The following LMAN2 variants were observed in gnomAD, a reference collection of about 807,000 sequenced individuals.
The protein encoded by LMAN2 is vesicular integral-membrane protein VIP36.
In LMAN2, 22 loss-of-function variants were observed where a neutral mutation model predicts 39.3. The ratio of observed to expected loss-of-function variants is 0.56; its 90% CI spans 0.40 to 0.80. The LOEUF (loss-of-function observed/expected upper bound fraction) is 0.80. Ranked by LOEUF, LMAN2 falls within the 30% of genes least tolerant of loss-of-function variation. The pLI, the probability that LMAN2 is intolerant of heterozygous loss-of-function variation, is 0.00. For missense variants in LMAN2, 494 were observed against 505.4 expected, an observed-to-expected ratio of 0.98 and a Z score of 0.22; for synonymous variants, 207 against 207.8, an observed-to-expected ratio of 1.00 and a Z score of 0.03.
intron 2 of LMAN2, among the ~76,000 whole-genome samples, chr5:177,348,546 G>C (rs1177224773): frequency 6.6e-6 from 1 of 151,976 alleles, no homozygotes; most frequent in Non-Finnish European, 1.5e-5. Context: ...AAATTAGCTG[G>C]ACATGGCAGT....
At chr5:177,336,075 C>T (rs1411802827) in intron 6 of LMAN2, among the ~76,000 whole-genome samples, 1 of 152,144 alleles carries the variant, frequency 6.6e-6, no homozygotes, top group African/African-American at 2.4e-5. Flanking sequence ...ATTAATTACT[C>T]GGTAGACTCA....
At chr5:177,340,748 C>T (rs1443520629) in intron 2 of LMAN2, among the ~76,000 whole-genome samples, 2 of 151,030 alleles carry the variant, frequency 1.3e-5, no homozygotes. Context: ...CCAGCCTGGG[C>T]AACAGAGTGA....
At chr5:177,348,687 CAAAAAAAA>C (rs35269220) in intron 2 of LMAN2, among the ~76,000 whole-genome samples, 4 of 33,860 alleles carry the variant, frequency 1.2e-4, no homozygotes, top group Admixed American at 8.1e-4. Flanking sequence ...GACTCTGTCT[CAAAAAAAA>C]AAAAAAAAAA....
chr5:177,345,106 C>G (rs1761614292), intron 2 of LMAN2, among the ~76,000 whole-genome samples: 1 of 149,394 alleles, frequency 6.7e-6, no homozygotes, highest in African/African-American at 2.5e-5. Context: ...TCTGGGAGGG[C>G]AAGGTGGGTG....
intron 2 of LMAN2, among the ~76,000 whole-genome samples, chr5:177,342,336 TC>T (rs1761566353): frequency 6.6e-6 from 1 of 151,870 alleles, no homozygotes; most frequent in Non-Finnish European, 1.5e-5. Flanking sequence ...CAAGACTCCA[TC>T]TCTATAAAAA....
At chr5:177,343,233 G>T (rs565001462) in intron 2 of LMAN2, among the ~76,000 whole-genome samples, 1 of 152,126 alleles carries the variant, frequency 6.6e-6, no homozygotes, top group Admixed American at 6.5e-5. Flanking sequence ...CCAGCCTGGC[G>T]ACAGGGCGAG....
chr5:177,337,606 G>T lies in LMAN2; in HGVS notation c.514-82C>A. 6.2e-7 allele frequency: 1 copy of T among 1,604,674 alleles called. No individual in the cohort carries two copies. On this transcript the variant is annotated intron_variant, in intron 4 of 7. Transcript: ENST00000303127. This position sits in a 1 kb window ranked among gnomAD's most constrained non-coding sequence, Gnocchi z 8.2. ...GCACCCACCACCCCAATCCCTGGAGGCTCCTCTTGTGCTGGGACCATGGAA... is the reference window on the plus strand; with the variant it reads ...GCACCCACCACCCCAATCCCTGGAGTCTCCTCTTGTGCTGGGACCATGGAA...
intron 7 of LMAN2, 114 bp downstream of exon 7, chr5:177,334,170 C>A (rs1271256954): frequency 8.8e-6 from 13 of 1,482,908 alleles, no homozygotes; most frequent in Non-Finnish European, 1.2e-5. Flanking sequence ...GATCCAAGAG[C>A]CCAGACCACA....
At chr5:177,348,703 A>C (rs1473988946) in intron 2 of LMAN2, among the ~76,000 whole-genome samples, 3 of 150,008 alleles carry the variant, frequency 2.0e-5, no homozygotes, top group African/African-American at 7.3e-5. Context: ...AAAAAAAAAA[A>C]AAAAAAAAAA....
In LMAN2 at chr5:177,332,917, C is replaced by T. The variant is rs1362693345; in HGVS notation, c.911-671G>A. On this transcript the variant is annotated intron_variant, in intron 7 of 7. Coordinates refer to ENST00000303127, the MANE Select transcript of LMAN2 (RefSeq NM_006816.3). This position sits in a 1 kb window ranked among gnomAD's most constrained non-coding sequence, Gnocchi z 6.3. ...TCTGCCACTCTGCCTCCCTCCCTGA[C>T]TGCGGCCCCCCCGACTCCACACTGT... Among the ~76,000 whole-genome samples, 1 of 151,980 alleles carries T rather than the reference C, an allele frequency of 6.6e-6. No individual in the cohort carries two copies. Among genetic ancestry groups the T allele is most frequent in the Non-Finnish European group, 1.5e-5 (1 of 67,966 alleles).
Position 177,332,120 on chromosome 5 carries a change from T to A in LMAN2, c.1037A>T (p.Gln346Leu), listed in dbSNP as rs1390264975. The A allele has an allele frequency of 6.2e-7, 1 of 1,613,300 alleles. No homozygotes were observed. Among genetic ancestry groups the A allele is most frequent in the Admixed American group, 1.7e-5 (1 of 59,976 alleles). The stretch of plus-strand genomic sequence containing the variant: ...GCGCTTGTTCCGCTCCTGCCGCTTC[T>A]GGAACACCACGGCCCCCACCACGGC... ...VCAVVGAVVF[Q>L]KRQERNKRFY The change falls in exon 8 of 8, where the codon CAG (glutamine) becomes CTG (leucine). Residue 346 changes from glutamine (Q) to leucine (L), a missense_variant. By Grantham distance (113) the Gln-to-Leu change is moderately radical. Coordinates refer to ENST00000303127, the MANE Select transcript of LMAN2 (RefSeq NM_006816.3). The surrounding 1 kb of genome is among the most constrained non-coding windows in gnomAD (Gnocchi z 6.3).
At chr5:177,340,231 GT>G (rs1018779947) in intron 2 of LMAN2, among the ~76,000 whole-genome samples, 1 of 151,984 alleles carries the variant, frequency 6.6e-6, no homozygotes, top group African/African-American at 2.4e-5. Context: ...CAACAAAAAA[GT>G]TTTTTTTAAC....
intron 6 of LMAN2, among the ~76,000 whole-genome samples, chr5:177,335,313 G>T (rs775688957): frequency 1.3e-5 from 2 of 152,172 alleles, no homozygotes; most frequent in African/African-American, 4.8e-5. Flanking sequence ...TCGTATCTTA[G>T]GAAAAATCCT....
intron 3 of LMAN2, 108 bp downstream of exon 3, chr5:177,338,380 A>C: frequency 1.2e-6 from 1 of 811,856 alleles, no homozygotes; most frequent in South Asian, 1.4e-5. Context: ...AGGAGAGGAG[A>C]CGCTGGTCCC....
chr5:177,351,436 G>GC lies in LMAN2; in HGVS notation c.196+15dup. ...TCGCCCTCACTCTTCACTCATTCCC[G>GC]CCCCAAGGGCTTCACCTTGGTAGGG... On this transcript the variant is annotated intron_variant, in intron 1 of 7. Coordinates refer to ENST00000303127, the MANE Select transcript of LMAN2 (RefSeq NM_006816.3). 1 of 1,609,636 alleles carries GC rather than the reference G, an allele frequency of 6.2e-7. No homozygotes were observed. The highest frequency in any genetic ancestry group is 8.5e-7 in the Non-Finnish European group (1 of 1,177,224).
rs114736709 is a variant in LMAN2 at position 177,333,970 on chromosome 5, G to A, written c.910+314C>T. ...GAGGATGCTGGCCCACCACTCACACGTTTGTTGATCAGCCACTGCTTGCTG... is the reference window on the plus strand; with the variant it reads ...GAGGATGCTGGCCCACCACTCACACATTTGTTGATCAGCCACTGCTTGCTG... On this transcript the variant is annotated intron_variant, in intron 7 of 7. Coordinates refer to ENST00000303127, the MANE Select transcript of LMAN2 (RefSeq NM_006816.3). Among the ~76,000 whole-genome samples, 289 of 152,350 alleles carry A rather than the reference G, an allele frequency of 1.9e-3. 2 individuals are homozygous for A. The highest frequency in any genetic ancestry group is 3.4e-3 in the Non-Finnish European group (232 of 68,018).
At chr5:177,346,983 A>C (rs897903102) in intron 2 of LMAN2, among the ~76,000 whole-genome samples, 2 of 152,170 alleles carry the variant, frequency 1.3e-5, no homozygotes, top group African/African-American at 4.8e-5. Flanking sequence ...GTAGTCAACA[A>C]GTAGAGAATC....
intron 6 of LMAN2, among the ~76,000 whole-genome samples, chr5:177,334,803 C>T (rs1761445213): frequency 6.6e-6 from 1 of 152,174 alleles, no homozygotes; most frequent in African/African-American, 2.4e-5. Context: ...CAAAAACAGA[C>T]CCGGGAAAGA....
chr5:177,341,800 A>T (rs951302022), intron 2 of LMAN2, among the ~76,000 whole-genome samples: 1 of 152,246 alleles, frequency 6.6e-6, no homozygotes, highest in African/African-American at 2.4e-5. Context: ...ATTAAAACAA[A>T]TGACAACAAT....
Sources: allele counts gnomAD v4.1 joint callset (sites outside exome capture counted in the v4.1 genomes callset), GRCh38; gene constraint gnomAD v4.1.1; non-coding constraint Gnocchi (gnomAD v3.1); transcripts MANE v1.5; gene names NCBI Gene and HGNC (gene_info 2026-07-23, HGNC 2026-07-21).